Variants in ATAD2B observed in about 807,000 individuals in gnomAD.
The protein encoded by ATAD2B is ATPase family AAA domain containing 2B.
ATAD2B carries 40 observed loss-of-function variants against 167.6 expected under a neutral mutation model. The observed-to-expected ratio is 0.24, with a 90% confidence interval of 0.19 to 0.31. The LOEUF is 0.31. Among genes scored for constraint, ATAD2B ranks in the 10% least tolerant of loss-of-function variants. The probability of loss-of-function intolerance (pLI) is 1.00; values close to 1 mark genes in which losing one functional copy is unlikely to be tolerated. For missense variants in ATAD2B, 1,242 were observed against 1,757.2 expected (o/e 0.71, Z 5.24); for synonymous variants, 579 against 596.5 (o/e 0.97, Z 0.43).
chr2:23,841,509 A>C (rs1690905449), intron 13 of ATAD2B, among the ~76,000 whole-genome samples: 1 of 151,796 alleles, frequency 6.6e-6, no homozygotes, highest in South Asian at 2.1e-4. Flanking sequence ...GGCATGTGTC[A>C]GAATTTTTTT....
chr2:23,833,797 G>C, intron 14 of ATAD2B, 122 bp downstream of exon 14: 1 of 772,914 alleles, frequency 1.3e-6, no homozygotes. Context: ...TAAAGCATTA[G>C]CTAAGATATC....
intron 18 of ATAD2B, among the ~76,000 whole-genome samples, chr2:23,800,254 A>G (rs1021648840): frequency 1.3e-5 from 2 of 152,178 alleles, no homozygotes; most frequent in African/African-American, 4.8e-5. Context: ...ATAGGTTACT[A>G]AGAAACCTCA....
intron 13 of ATAD2B, among the ~76,000 whole-genome samples, chr2:23,837,601 A>T (rs956221328): frequency 6.6e-6 from 1 of 152,208 alleles, no homozygotes; most frequent in Non-Finnish European, 1.5e-5. Context: ...CACCTCCCCA[A>T]TACAGCAGGC....
At chr2:23,897,049 A>T (rs1375150213) in intron 1 of ATAD2B, among the ~76,000 whole-genome samples, 1 of 152,120 alleles carries the variant, frequency 6.6e-6, no homozygotes, top group Non-Finnish European at 1.5e-5. Context: ...AGAATCACTC[A>T]AACCCAGGAG....
At chr2:23,851,030 C>T (rs982866314) in intron 13 of ATAD2B, among the ~76,000 whole-genome samples, 2 of 152,206 alleles carry the variant, frequency 1.3e-5, no homozygotes, top group African/African-American at 4.8e-5. Flanking sequence ...GTCATCAGAA[C>T]CAGAAAGCAG....
At chr2:23,716,127 A>G in the ATAD2B span, among the ~76,000 whole-genome samples, 1 of 152,246 alleles carries the variant, frequency 6.6e-6, no homozygotes, top group Admixed American at 6.5e-5. Flanking sequence ...AACCATACAC[A>G]ATGTTTAGAA....
intron 1 of ATAD2B, among the ~76,000 whole-genome samples, chr2:23,909,095 A>C (rs1701887091): frequency 6.6e-6 from 1 of 151,646 alleles, no homozygotes; most frequent in Admixed American, 6.6e-5. Flanking sequence ...ACTAACCTGC[A>C]CATTGTGCAC....
At chr2:23,895,338 A>G (rs1451299828) in intron 2 of ATAD2B, among the ~76,000 whole-genome samples, 1 of 152,046 alleles carries the variant, frequency 6.6e-6, no homozygotes, top group Non-Finnish European at 1.5e-5. Flanking sequence ...TATGAAACTG[A>G]CTAAAATTAA....
At chr2:23,869,160 T>A (rs1031520676) in intron 9 of ATAD2B, among the ~76,000 whole-genome samples, 1 of 152,216 alleles carries the variant, frequency 6.6e-6, no homozygotes, top group Non-Finnish European at 1.5e-5. Context: ...GAGGTTTTAG[T>A]GAGCCCAACA....
the ATAD2B span, among the ~76,000 whole-genome samples, chr2:23,728,251 T>C: frequency 6.6e-6 from 1 of 152,192 alleles, no homozygotes; most frequent in Admixed American, 6.5e-5. Context: ...TTAAGTTTTT[T>C]TGAAACTATG....
At chr2:23,777,799 C>T (rs557458509) in intron 22 of ATAD2B, among the ~76,000 whole-genome samples, 3 of 152,136 alleles carry the variant, frequency 2.0e-5, no homozygotes, top group South Asian at 2.1e-4. Flanking sequence ...GTAATTAGGG[C>T]CAAATATCTG....
chr2:23,721,577 C>CA, the ATAD2B span, among the ~76,000 whole-genome samples: 1 of 152,200 alleles, frequency 6.6e-6, no homozygotes, highest in East Asian at 1.9e-4. Context: ...GACATACCCC[C>CA]AGGCCAGCCA....
At chr2:23,682,670 GCACCCTCCCA>G in the ATAD2B span, among the ~76,000 whole-genome samples, 217 of 151,604 alleles carry the variant, frequency 1.4e-3, no homozygotes, top group African/African-American at 3.5e-3. The surrounding 1 kb of genome is among the most constrained non-coding windows in gnomAD (Gnocchi z 4.1). Context: ...TCGTGCTCCT[GCACCCTCCCA>G]CACCCTCCCG....
chr2:23,780,240 G>GC (rs1679799729), intron 22 of ATAD2B, among the ~76,000 whole-genome samples: 1 of 130,552 alleles, frequency 7.7e-6, no homozygotes, highest in Non-Finnish European at 1.6e-5. Context: ...AGAACAAGAT[G>GC]CTGTCTCCAA....
intron 25 of ATAD2B, among the ~76,000 whole-genome samples, chr2:23,755,604 T>A (rs1675858952): frequency 6.6e-6 from 1 of 152,110 alleles, no homozygotes; most frequent in Non-Finnish European, 1.5e-5. Context: ...ATACAGGATG[T>A]GGCCCATGTC....
At chr2:23,922,536 TAA>T (rs1704094995) in intron 1 of ATAD2B, among the ~76,000 whole-genome samples, 1 of 151,876 alleles carries the variant, frequency 6.6e-6, no homozygotes, top group Non-Finnish European at 1.5e-5. Context: ...ATCTACAGAT[TAA>T]GAGAAAAATC....
chr2:23,692,948 C>T, the ATAD2B span, among the ~76,000 whole-genome samples: 8 of 152,166 alleles, frequency 5.3e-5, no homozygotes, highest in South Asian at 2.1e-4. Flanking sequence ...CAGTGTGACT[C>T]CTGACGCCTG....
intron 22 of ATAD2B, among the ~76,000 whole-genome samples, chr2:23,781,625 A>G (rs1362537836): frequency 1.3e-5 from 2 of 152,016 alleles, no homozygotes; most frequent in South Asian, 2.1e-4. Flanking sequence ...AGATCATGCC[A>G]CTGTACTCCA....
chr2:23,769,314 G>A (rs954384362), intron 22 of ATAD2B, among the ~76,000 whole-genome samples: 2 of 152,030 alleles, frequency 1.3e-5, no homozygotes, highest in East Asian at 1.9e-4. Context: ...GGAGGCAGGC[G>A]CCTGTAATCC....
Sources: gnomAD v4.1 joint callset for allele counts (sites outside exome capture counted in the v4.1 genomes callset) on GRCh38, gnomAD v4.1.1 for gene constraint, Gnocchi (gnomAD v3.1) non-coding constraint, MANE v1.5 for transcripts, NCBI Gene and HGNC (gene_info 2026-07-23, HGNC 2026-07-21) for gene names.